The following ITGB5 variants were observed in gnomAD, a reference collection of about 807,000 sequenced individuals.
ITGB5 encodes the protein integrin beta-5.
In ITGB5, 38 loss-of-function variants were observed where a neutral mutation model predicts 84.8. That is an observed-to-expected ratio of 0.45 (90% confidence interval 0.35 to 0.59). The LOEUF (loss-of-function observed/expected upper bound fraction) is 0.59. ITGB5 is among the 20% of genes least tolerant of loss of function. The probability of loss-of-function intolerance (pLI) is 0.01; values close to 1 mark genes in which losing one functional copy is unlikely to be tolerated. For missense variants in ITGB5, 905 were observed against 1,034.5 expected (o/e 0.87, Z 1.72); for synonymous variants, 393 against 414.4 (o/e 0.95, Z 0.63).
chr3:124,878,820 A>T (rs1934446063), intron 1 of ITGB5: 1 of 152,216 alleles, frequency 6.6e-6, no homozygotes, highest in African/African-American at 2.4e-5. Flanking sequence ...GGAAGCAATG[A>T]ATAAAAAACT....
At chr3:124,831,087 CA>C (rs1360356036) in intron 5 of ITGB5, among the ~76,000 whole-genome samples, 1 of 152,160 alleles carries the variant, frequency 6.6e-6, no homozygotes, top group Non-Finnish European at 1.5e-5. Context: ...CTGGAATAGC[CA>C]AAAGGGTCTA....
chr3:124,830,770 G>A (rs1468269238), intron 5 of ITGB5, among the ~76,000 whole-genome samples: 1 of 152,154 alleles, frequency 6.6e-6, no homozygotes, highest in Non-Finnish European at 1.5e-5. Flanking sequence ...CATTACCTGA[G>A]GTCAGGAGTT....
intron 7 of ITGB5, 146 bp downstream of exon 7, chr3:124,819,593 T>C (rs2064665788): frequency 1.5e-6 from 1 of 658,824 alleles, no homozygotes; most frequent in Non-Finnish European, 2.8e-6. Flanking sequence ...AATGCTTAAT[T>C]GTTTCCTCCT....
intron 4 of ITGB5, among the ~76,000 whole-genome samples, chr3:124,845,535 A>G (rs548527037): frequency 6.6e-6 from 1 of 152,362 alleles, no homozygotes; most frequent in South Asian, 2.1e-4. Context: ...TTCCTGCCTT[A>G]CAAGTAGCTT....
intron 1 of ITGB5, among the ~76,000 whole-genome samples, chr3:124,877,971 T>C (rs1272044762): frequency 6.6e-6 from 1 of 152,220 alleles, no homozygotes; most frequent in Non-Finnish European, 1.5e-5. Flanking sequence ...GCCTCCTGAA[T>C]AGCTGAGATT....
At chr3:124,837,873 G>T (rs1203140955) in intron 5 of ITGB5, among the ~76,000 whole-genome samples, 1 of 152,208 alleles carries the variant, frequency 6.6e-6, no homozygotes, top group Admixed American at 6.5e-5. Flanking sequence ...AGAGCGTGCA[G>T]CGCTGCCGGG....
At chr3:124,805,133 T>TTCTCTCTCTCTCTCTCTCTC (rs113766698) in intron 9 of ITGB5, among the ~76,000 whole-genome samples, 2 of 141,972 alleles carry the variant, frequency 1.4e-5, no homozygotes, top group African/African-American at 5.2e-5. Context: ...CTTTCTCCCT[T>TTCTCTCTCTCTCTCTCTCTC]TCTCTCTCTC....
chr3:124,894,831 C>A (rs891315771), intron 1 of ITGB5, among the ~76,000 whole-genome samples: 5 of 152,142 alleles, frequency 3.3e-5, no homozygotes, highest in African/African-American at 9.7e-5. Flanking sequence ...CCAGGGGTGT[C>A]CAATCTTTTG....
At chr3:124,799,066 G>A (rs1174610118) in intron 9 of ITGB5, among the ~76,000 whole-genome samples, 1 of 152,182 alleles carries the variant, frequency 6.6e-6, no homozygotes, top group African/African-American at 2.4e-5. Context: ...GGGGGACCAG[G>A]CCAGCTGCAG....
intron 11 of ITGB5, among the ~76,000 whole-genome samples, chr3:124,772,203 G>GT (rs898906078): frequency 1.3e-5 from 2 of 152,102 alleles, no homozygotes; most frequent in African/African-American, 4.8e-5. Flanking sequence ...ACTTGGATCT[G>GT]TTTTTTCTCT....
Position 124,796,412 on chromosome 3 carries a change from T to G in ITGB5, c.1669A>C (p.Arg557=). 6.2e-7 allele frequency: 1 copy of G among 1,612,958 alleles called. No individual in the cohort carries two copies. The highest frequency in any genetic ancestry group is 2.2e-5 in the East Asian group (1 of 44,846). The change falls in exon 10 of 15, where the codon AGG becomes CGG. Residue 557 remains arginine (R), a synonymous_variant. Transcript: ENST00000296181. ...FCECDNFSCA[R]NKGVLCSGHG... The stretch of plus-strand genomic sequence containing the variant: ...CCTGAGCAGAGGACTCCCTTGTTCC[T>G]GGCACAGGAGAAGTTGTCGCACTCA...
intron 6 of ITGB5, among the ~76,000 whole-genome samples, chr3:124,820,169 G>A (rs2064679066): frequency 6.6e-6 from 1 of 152,160 alleles, no homozygotes; most frequent in African/African-American, 2.4e-5. Flanking sequence ...ACGCCCTAGA[G>A]AACAGCCACC....
chr3:124,882,818 A>T (rs1002641369), intron 1 of ITGB5, among the ~76,000 whole-genome samples: 1 of 152,132 alleles, frequency 6.6e-6, no homozygotes, highest in Non-Finnish European at 1.5e-5. Context: ...TCCTATAAAG[A>T]GAGGGCAGGG....
intron 7 of ITGB5, 111 bp from the exon 8 acceptor site, chr3:124,817,821 G>T: frequency 1.6e-6 from 1 of 623,244 alleles, no homozygotes. Context: ...ACCATATCCT[G>T]CCACCTTCTC....
At chr3:124,826,686 G>A (rs1459599984) in intron 5 of ITGB5, among the ~76,000 whole-genome samples, 1 of 152,214 alleles carries the variant, frequency 6.6e-6, no homozygotes, top group Non-Finnish European at 1.5e-5. Context: ...TAATAAATGG[G>A]ATAATTCATA....
At chr3:124,837,089 G>A (rs916493764) in intron 5 of ITGB5, among the ~76,000 whole-genome samples, 6 of 152,190 alleles carry the variant, frequency 3.9e-5, no homozygotes, top group African/African-American at 1.4e-4. Context: ...ACCCAGCCAA[G>A]CTCAAATGTA....
intron 2 of ITGB5, among the ~76,000 whole-genome samples, chr3:124,860,707 G>A (rs2065285200): frequency 6.6e-6 from 1 of 152,204 alleles, no homozygotes; most frequent in African/African-American, 2.4e-5. Context: ...GAGTCTTTCT[G>A]GAGGAGTTAG....
intron 9 of ITGB5, among the ~76,000 whole-genome samples, chr3:124,798,055 C>CTTTTTT (rs60292129): frequency 1.9e-5 from 2 of 103,656 alleles, no homozygotes; most frequent in African/African-American, 8.0e-5. Flanking sequence ...TAGAATAAAG[C>CTTTTTT]TTTTTTTTTT....
At chr3:124,900,933 TA>T (rs1212779274) in intron 1 of ITGB5, among the ~76,000 whole-genome samples, 18 of 152,234 alleles carry the variant, frequency 1.2e-4, no homozygotes, top group African/African-American at 3.9e-4. Context: ...ATAAGAGCAA[TA>T]AAGAGGACAA....
Sources: allele counts gnomAD v4.1 joint callset (sites outside exome capture counted in the v4.1 genomes callset), GRCh38; gene constraint gnomAD v4.1.1; transcripts MANE v1.5; gene names NCBI Gene and HGNC (gene_info 2026-07-23, HGNC 2026-07-21).